The following ANKS1B variants were observed in gnomAD, a reference collection of about 807,000 sequenced individuals.
The protein encoded by ANKS1B is ankyrin repeat and sterile alpha motif domain containing 1B.
ANKS1B carries 36 observed loss-of-function variants against 148.3 expected under a neutral mutation model. The ratio of observed to expected loss-of-function variants is 0.24; its 90% confidence interval spans 0.19 to 0.32. ANKS1B has a LOEUF of 0.32. Ranked by LOEUF, ANKS1B falls within the 10% of genes least tolerant of loss-of-function variation. The pLI, the probability that ANKS1B is intolerant of heterozygous loss-of-function variation, is 1.00. For missense variants in ANKS1B, 1,157 were observed against 1,542.6 expected (o/e 0.75, Z 4.19); for synonymous variants, 542 against 560.8 (o/e 0.97, Z 0.47).
chr12:99,695,065 A>G (rs918165535), intron 8 of ANKS1B, among the ~76,000 whole-genome samples: 2 of 148,364 alleles, frequency 1.3e-5, no homozygotes, highest in African/African-American at 4.8e-5. Flanking sequence ...TACTAGGAAT[A>G]TCTCAAAGTG....
chr12:99,030,675 A>G (rs1281197939), intron 17 of ANKS1B, among the ~76,000 whole-genome samples: 1 of 152,132 alleles, frequency 6.6e-6, no homozygotes, highest in Non-Finnish European at 1.5e-5. Flanking sequence ...ATTGAACTGT[A>G]CTATAACTGT....
intron 14 of ANKS1B, among the ~76,000 whole-genome samples, chr12:99,213,428 G>A (rs181375308): frequency 4.6e-5 from 7 of 152,300 alleles, no homozygotes; most frequent in East Asian, 1.9e-4. Context: ...GGCAACTCCC[G>A]AAGTCTAGCA....
intron 15 of ANKS1B, among the ~76,000 whole-genome samples, chr12:99,095,566 C>T (rs2055759447): frequency 6.6e-6 from 1 of 152,132 alleles, no homozygotes; most frequent in African/African-American, 2.4e-5. Flanking sequence ...GTTAGTTCTG[C>T]ATAAAAAACG....
At chr12:98,954,854 A>G (rs1281645398) in intron 17 of ANKS1B, among the ~76,000 whole-genome samples, 1 of 152,168 alleles carries the variant, frequency 6.6e-6, no homozygotes, top group East Asian at 1.9e-4. Context: ...GGGCAAGGAC[A>G]TATATTATAT....
chr12:99,183,358 T>C (rs757755340), intron 14 of ANKS1B, among the ~76,000 whole-genome samples: 8 of 152,186 alleles, frequency 5.3e-5, no homozygotes, highest in Admixed American at 3.9e-4. Context: ...ATAAGAATCA[T>C]TGGTCTTAGG....
chr12:99,467,048 T>C (rs989899762), intron 10 of ANKS1B, among the ~76,000 whole-genome samples: 1 of 152,144 alleles, frequency 6.6e-6, no homozygotes, highest in African/African-American at 2.4e-5. Flanking sequence ...CAATTAAATA[T>C]TGGCAAACCT....
intron 9 of ANKS1B, among the ~76,000 whole-genome samples, chr12:99,535,618 C>A (rs12309984): frequency 4.6e-5 from 7 of 152,058 alleles, no homozygotes; most frequent in African/African-American, 1.7e-4. Flanking sequence ...AACTGTATGC[C>A]AAGGCTCTAC....
chr12:99,781,977 A>G, intron 5 of ANKS1B, 45 bp downstream of exon 5: 1 of 1,491,266 alleles, frequency 6.7e-7, no homozygotes, highest in African/African-American at 1.4e-5. Context: ...CAAAATAGAA[A>G]TGTTATCTGT....
At chr12:99,134,675 ACACACACAC>A (rs1357003898) in intron 15 of ANKS1B, among the ~76,000 whole-genome samples, 1 of 149,988 alleles carries the variant, frequency 6.7e-6, no homozygotes, top group Non-Finnish European at 1.5e-5. Context: ...ACACACACAC[ACACACACAC>A]ACACACACAC....
chr12:98,927,885 G>A (rs917475952), intron 17 of ANKS1B, among the ~76,000 whole-genome samples: 3 of 151,126 alleles, frequency 2.0e-5, no homozygotes, highest in African/African-American at 4.9e-5. Flanking sequence ...GGAAAAAGAA[G>A]AGCAAATTAA....
At chr12:99,106,889 A>G (rs1028539568) in intron 15 of ANKS1B, among the ~76,000 whole-genome samples, 14 of 152,194 alleles carry the variant, frequency 9.2e-5, no homozygotes, top group Non-Finnish European at 1.6e-4. Context: ...GCTTTCAGTT[A>G]TAATACCTCA....
intron 14 of ANKS1B, among the ~76,000 whole-genome samples, chr12:99,192,495 T>C (rs2080865883): frequency 6.6e-6 from 1 of 152,190 alleles, no homozygotes. Context: ...CAATACTTTA[T>C]TAAAAGTTAT....
intron 9 of ANKS1B, among the ~76,000 whole-genome samples, chr12:99,624,150 G>A (rs1314759180): frequency 6.6e-6 from 1 of 151,946 alleles, no homozygotes; most frequent in Non-Finnish European, 1.5e-5. Context: ...AATAAGCAAG[G>A]GTGAAAGCTC....
chr12:99,430,378 T>C (rs1398992151), intron 11 of ANKS1B, among the ~76,000 whole-genome samples: 1 of 152,170 alleles, frequency 6.6e-6, no homozygotes, highest in Non-Finnish European at 1.5e-5. Context: ...GTCTAGGTGG[T>C]ACAGTTAATT....
intron 1 of ANKS1B, among the ~76,000 whole-genome samples, chr12:99,830,405 T>C (rs1319992197): frequency 1.3e-5 from 2 of 152,106 alleles, no homozygotes; most frequent in African/African-American, 4.8e-5. Flanking sequence ...TGGAATATTT[T>C]ACGGAAAACT....
intron 14 of ANKS1B, among the ~76,000 whole-genome samples, chr12:99,187,605 T>G (rs1428582033): frequency 6.6e-6 from 1 of 152,096 alleles, no homozygotes; most frequent in Non-Finnish European, 1.5e-5. Context: ...GCTTTAAAAG[T>G]GAAGGAGAAA....
chr12:99,435,884 T>C (rs2095451821), intron 11 of ANKS1B, among the ~76,000 whole-genome samples: 1 of 152,036 alleles, frequency 6.6e-6, no homozygotes, highest in Admixed American at 6.6e-5. Flanking sequence ...TTAAAAAGCT[T>C]CCCAGGAAAT....
chr12:99,897,593 T>C (rs1282516973), intron 1 of ANKS1B, among the ~76,000 whole-genome samples: 1 of 151,124 alleles, frequency 6.6e-6, no homozygotes, highest in Admixed American at 6.6e-5. Flanking sequence ...GAGGAACAAC[T>C]ACACAGTCAG....
intron 1 of ANKS1B, among the ~76,000 whole-genome samples, chr12:99,841,365 G>C (rs1356722263): frequency 2.6e-5 from 4 of 151,992 alleles, no homozygotes; most frequent in Non-Finnish European, 5.9e-5. Context: ...ACTACTGGAA[G>C]TAAATTTATC....
Sources: allele counts gnomAD v4.1 joint callset (sites outside exome capture counted in the v4.1 genomes callset), GRCh38; gene constraint gnomAD v4.1.1; transcripts MANE v1.5; gene names NCBI Gene and HGNC (gene_info 2026-07-23, HGNC 2026-07-21).